Variants in CCDC170 observed in about 807,000 individuals in gnomAD.
CCDC170 encodes coiled-coil domain containing 170.
In CCDC170, 69 loss-of-function variants were observed where a neutral mutation model predicts 72.6. That is an observed-to-expected ratio of 0.95 (90% confidence interval 0.78 to 1.16). The LOEUF is 1.16. Ranked by LOEUF, CCDC170 falls within the 50% of genes most tolerant of loss-of-function variation. The pLI, the probability that CCDC170 is intolerant of heterozygous loss-of-function variation, is 0.00. For missense variants in CCDC170, 852 were observed against 832.5 expected, an observed-to-expected ratio of 1.02 and a Z score of -0.29; for synonymous variants, 300 against 303.9, an observed-to-expected ratio of 0.99 and a Z score of 0.13.
intron 9 of CCDC170, 171 bp downstream of exon 9, chr6:151,596,748 C>T: frequency 1.2e-6 from 1 of 866,998 alleles, no homozygotes; most frequent in Non-Finnish European, 1.7e-6. Flanking sequence ...GGGTACATAT[C>T]CATTCAGTGT....
chr6:151,585,381 C>G (rs192943102), intron 6 of CCDC170, among the ~76,000 whole-genome samples: 1 of 152,156 alleles, frequency 6.6e-6, no homozygotes, highest in Non-Finnish European at 1.5e-5. Flanking sequence ...GCATAGGTAA[C>G]CAATCTTCAA....
chr6:151,523,050 A>G (rs932364810), intron 1 of CCDC170, among the ~76,000 whole-genome samples: 11 of 152,136 alleles, frequency 7.2e-5, no homozygotes, highest in African/African-American at 1.7e-4. Context: ...TAGAATTGTT[A>G]TAGGAAGGTT....
chr6:151,530,061 A>C (rs1178866953), intron 1 of CCDC170, among the ~76,000 whole-genome samples: 1 of 152,188 alleles, frequency 6.6e-6, no homozygotes, highest in Non-Finnish European at 1.5e-5. Flanking sequence ...TTCTCCAAAA[A>C]TATAATTTTT....
rs149754139 is a variant in CCDC170, at chr6:151,614,001, G to A, written c.1711-1442G>A. 7.9e-3 allele frequency among the ~76,000 whole-genome samples: 1,197 copies of A among 152,268 alleles called. 5 individuals carry two copies. The highest frequency in any genetic ancestry group is 0.013 in the Non-Finnish European group (904 of 68,028). ...CTTCCTCACATCCTTGCTAACACTT[G>A]TGATTGTCTGTCTTTTTTATTTTAG... On this transcript the variant is annotated intron_variant, in intron 9 of 10. Coordinates refer to ENST00000239374, the MANE Select transcript of CCDC170 (RefSeq NM_025059.4).
At chr6:151,614,735 G>C (rs1776931304) in intron 9 of CCDC170, among the ~76,000 whole-genome samples, 1 of 151,656 alleles carries the variant, frequency 6.6e-6, no homozygotes, top group Non-Finnish European at 1.5e-5. Flanking sequence ...TAATAGGCAT[G>C]AGCCACCACA....
At chr6:151,587,327 G>T (rs901930108) in intron 7 of CCDC170, among the ~76,000 whole-genome samples, 2 of 152,036 alleles carry the variant, frequency 1.3e-5, no homozygotes, top group Admixed American at 1.3e-4. Flanking sequence ...TGAGAGGAAG[G>T]GGAGCGACCT....
intron 6 of CCDC170, among the ~76,000 whole-genome samples, chr6:151,577,386 T>A (rs1776317985): frequency 6.6e-6 from 1 of 152,262 alleles, no homozygotes; most frequent in East Asian, 1.9e-4. Context: ...TCTAAATGAG[T>A]ATTTAGATGT....
At chr6:151,530,401 T>TA (rs1782477150) in intron 1 of CCDC170, among the ~76,000 whole-genome samples, 1 of 150,650 alleles carries the variant, frequency 6.6e-6, no homozygotes, top group Non-Finnish European at 1.5e-5. Context: ...GTCTTTCTTA[T>TA]AGAACTATCT....
chr6:151,575,601 C>T (rs1290848138), intron 6 of CCDC170, among the ~76,000 whole-genome samples: 1 of 124,992 alleles, frequency 8.0e-6, no homozygotes, highest in Admixed American at 1.0e-4. Context: ...GCAAACTCGG[C>T]TCACTGCAAT....
In CCDC170 at chr6:151,604,395, G is replaced by T. The variant is rs146360995; in HGVS notation, c.1710+7818G>T. ...ATCTCCAGCAAGAGGCATGCTCCTG[G>T]GGGTCAGATGGTGAAGGAGTGGAGG... On this transcript the variant is annotated intron_variant, in intron 9 of 10. Coordinates refer to ENST00000239374, the MANE Select transcript of CCDC170 (RefSeq NM_025059.4). 1.1e-3 allele frequency among the ~76,000 whole-genome samples: 162 copies of T among 152,270 alleles called. 1 individual carries two copies. The highest frequency in any genetic ancestry group is 3.7e-3 in the African/African-American group (155 of 41,544).
chr6:151,503,578 G>A (rs536147985), intron 1 of CCDC170, among the ~76,000 whole-genome samples: 50 of 151,982 alleles, frequency 3.3e-4, no homozygotes, highest in African/African-American at 1.1e-3. Flanking sequence ...TCAGCCTCCC[G>A]AGTAGCTGGG....
intron 5 of CCDC170, among the ~76,000 whole-genome samples, chr6:151,551,504 G>C (rs1782877993): frequency 6.6e-6 from 1 of 152,178 alleles, no homozygotes; most frequent in Admixed American, 6.5e-5. Flanking sequence ...TTTGATATTA[G>C]GTTATAAAAA....
chr6:151,547,330 A>G (rs574218247), intron 4 of CCDC170, among the ~76,000 whole-genome samples: 1 of 152,332 alleles, frequency 6.6e-6, no homozygotes, highest in South Asian at 2.1e-4. Context: ...ATAGTGAAGA[A>G]ATAACCAAAT....
At chr6:151,558,517 T>C (rs2115070217) in intron 5 of CCDC170, among the ~76,000 whole-genome samples, 1 of 152,258 alleles carries the variant, frequency 6.6e-6, no homozygotes, top group South Asian at 2.1e-4. Flanking sequence ...ATTCTAGTAG[T>C]TTTATAGTTT....
At chr6:151,587,589 C>A (rs552841849) in intron 7 of CCDC170, among the ~76,000 whole-genome samples, 1 of 152,140 alleles carries the variant, frequency 6.6e-6, no homozygotes, top group Non-Finnish European at 1.5e-5. Context: ...CCTTTTCATT[C>A]TTCTGTACTT....
chr6:151,535,811 T>TTA (rs1287478001), intron 1 of CCDC170, among the ~76,000 whole-genome samples: 4 of 152,078 alleles, frequency 2.6e-5, no homozygotes, highest in Non-Finnish European at 5.9e-5. Flanking sequence ...AGTGGTGCAA[T>TTA]TATAGCTCAC....
At position 151,596,492 on chromosome 6, in the gene CCDC170, T is replaced by C; in HGVS notation, c.1625T>C (p.Val542Ala). ...ACCATCAGGAACTTGCAGAAGAAGG[T>C]GGAGAGGCTGCAGAAAGAGCTGAAC... is the stretch of plus-strand genomic sequence containing the variant. ...HLTIRNLQKK[V>A]ERLQKELNTC... Residue 542 changes from valine to alanine, a missense_variant, in exon 9 of 11, where the codon GTG becomes GCG. Coordinates refer to ENST00000239374, the MANE Select transcript of CCDC170 (RefSeq NM_025059.4). 5 of 1,613,736 alleles carry C rather than the reference T, an allele frequency of 3.1e-6. No homozygotes were observed. The highest frequency in any genetic ancestry group is 3.4e-6 in the Non-Finnish European group (4 of 1,179,934).
chr6:151,535,723 C>T (rs1299678433), intron 1 of CCDC170, among the ~76,000 whole-genome samples: 5 of 151,924 alleles, frequency 3.3e-5, no homozygotes, highest in Admixed American at 1.3e-4. Flanking sequence ...CCATTTGAGT[C>T]GGGTGGAAGG....
intron 9 of CCDC170, among the ~76,000 whole-genome samples, chr6:151,614,311 C>T (rs1249809321): frequency 6.6e-6 from 1 of 152,152 alleles, no homozygotes; most frequent in Non-Finnish European, 1.5e-5. Flanking sequence ...TTCTATCTTA[C>T]ATACAATTCC....
Sources: gnomAD v4.1 joint callset for allele counts (sites outside exome capture counted in the v4.1 genomes callset) on GRCh38, gnomAD v4.1.1 for gene constraint, MANE v1.5 for transcripts, NCBI Gene and HGNC (gene_info 2026-07-23, HGNC 2026-07-21) for gene names.